PLCG2: variants seen among roughly 807,000 people sequenced by gnomAD.
The protein encoded by PLCG2 is 1-phosphatidylinositol 4,5-bisphosphate phosphodiesterase gamma-2.
A neutral mutation model predicts 175.6 loss-of-function variants in PLCG2; 69 were observed. The observed-to-expected ratio is 0.39, with a 90% CI of 0.32 to 0.48. PLCG2 has a LOEUF of 0.48. Ranked by LOEUF, PLCG2 falls within the 20% of genes least tolerant of loss-of-function variation. The pLI is 0.91. For synonymous variants in PLCG2, 827 were observed against 624.0 expected (o/e 1.33, Z -4.85); for missense variants, 1,798 against 1,650.9 (o/e 1.09, Z -1.54).
intron 1 of PLCG2, among the ~76,000 whole-genome samples, chr16:81,752,378 G>A (rs572029642): frequency 3.9e-5 from 6 of 152,348 alleles, no homozygotes; most frequent in Middle Eastern, 3.4e-3. Flanking sequence ...GGGACTGTGA[G>A]GGTTGGGACA....
At chr16:81,826,724 T>A (rs1905063300) in intron 2 of PLCG2, among the ~76,000 whole-genome samples, 1 of 152,158 alleles carries the variant, frequency 6.6e-6, no homozygotes, top group Non-Finnish European at 1.5e-5. Flanking sequence ...TTGACGAGTC[T>A]ACCCATTTTA....
intron 10 of PLCG2, among the ~76,000 whole-genome samples, chr16:81,890,344 T>C (rs570756682): frequency 6.6e-6 from 1 of 152,328 alleles, no homozygotes; most frequent in South Asian, 2.1e-4. Flanking sequence ...CTAAATGTTT[T>C]CCAAAGTTAG....
intron 1 of PLCG2, among the ~76,000 whole-genome samples, chr16:81,752,680 A>G (rs757478113): frequency 6.6e-6 from 1 of 152,214 alleles, no homozygotes; most frequent in Admixed American, 6.5e-5. Context: ...CCTGGGCTGC[A>G]TCTGCTTCCA....
intron 2 of PLCG2, among the ~76,000 whole-genome samples, chr16:81,822,554 C>CG (rs941848538): frequency 3.9e-5 from 6 of 151,960 alleles, no homozygotes; most frequent in African/African-American, 1.5e-4. Context: ...GTCAGCAGTT[C>CG]GAGACCAGCC....
At chr16:81,828,941 C>T (rs1158501980) in intron 2 of PLCG2, among the ~76,000 whole-genome samples, 1 of 152,094 alleles carries the variant, frequency 6.6e-6, no homozygotes, top group African/African-American at 2.4e-5. Context: ...TACAGGAGAT[C>T]ACAGAATGAA....
At chr16:81,857,315 C>T (rs146237377) in intron 3 of PLCG2, among the ~76,000 whole-genome samples, 4 of 152,218 alleles carry the variant, frequency 2.6e-5, no homozygotes, top group African/African-American at 4.8e-5. Flanking sequence ...AGTTGGACAC[C>T]TGGGTTTGAA....
rs117289857 is a variant in PLCG2, at chr16:81,754,158, C to A, written c.-144-1712C>A. Among the ~76,000 whole-genome samples the A allele has an allele frequency of 4.6e-3, 696 of 152,018 alleles. 32 individuals are homozygous for A. In the East Asian group the frequency reaches 0.095, roughly 21 times the overall value. On this transcript the variant is annotated intron_variant, in intron 1 of 5. Transcript: ENST00000565054. ...GGACCCACTTCTAGGTTTGCCGCCT[C>A]CATCTCCATCTCCGTCTCCACCTCC...
chr16:81,752,042 AT>A (rs1404491721), intron 1 of PLCG2, among the ~76,000 whole-genome samples: 3 of 151,136 alleles, frequency 2.0e-5, no homozygotes, highest in Admixed American at 6.6e-5. Context: ...TATAAAAAAA[AT>A]ATAATATATG....
chr16:81,859,964 G>T (rs542963876), intron 5 of PLCG2, among the ~76,000 whole-genome samples: 1 of 152,058 alleles, frequency 6.6e-6, no homozygotes, highest in East Asian at 1.9e-4. Flanking sequence ...AAAGCTCTAT[G>T]ACGGACTATT....
At chr16:81,906,873 A>G (rs1258398152) in intron 15 of PLCG2, among the ~76,000 whole-genome samples, 3 of 152,148 alleles carry the variant, frequency 2.0e-5, no homozygotes, top group Admixed American at 6.5e-5. Context: ...CCCCGTCTCT[A>G]TTAAAACTAC....
intron 31 of PLCG2, among the ~76,000 whole-genome samples, chr16:81,955,037 TAGGG>T (rs1267651429): frequency 3.3e-5 from 5 of 152,136 alleles, no homozygotes; most frequent in African/African-American, 9.7e-5. Context: ...TTATTCTTAA[TAGGG>T]AGGAAAGTCA....
rs138177174 is a variant in PLCG2, at chr16:81,746,486, G to C, written c.-145+7101G>C. Reference sequence around the variant, plus strand: ...TTCTGGGGAGGGTCGTTTTCACGTAGTCCAAGAGCCAGGGGTGGGAACCGC... The same window carrying C: ...TTCTGGGGAGGGTCGTTTTCACGTACTCCAAGAGCCAGGGGTGGGAACCGC... On this transcript the variant is annotated intron_variant, in intron 1 of 5. Coordinates refer to the PLCG2 transcript ENST00000565054. Among the ~76,000 whole-genome samples, 14 of 152,346 alleles carry C rather than the reference G, an allele frequency of 9.2e-5. No individual in the cohort carries two copies. The East Asian group carries it at 1.7e-3, about 19-fold the overall frequency.
chr16:81,916,256 AT>A (rs201247651), intron 19 of PLCG2, among the ~76,000 whole-genome samples: 21 of 150,044 alleles, frequency 1.4e-4, no homozygotes, highest in South Asian at 2.1e-4. Flanking sequence ...AAAGCAATAT[AT>A]TTTTTTTTTC....
intron 26 of PLCG2, chr16:81,935,732 C>T: frequency 1.0e-6 from 1 of 985,322 alleles, no homozygotes. Context: ...GCACAGGCAC[C>T]CACATTGCAA....
intron 31 of PLCG2, among the ~76,000 whole-genome samples, chr16:81,955,283 G>A (rs763870203): frequency 3.9e-5 from 6 of 152,172 alleles, no homozygotes; most frequent in African/African-American, 1.4e-4. Flanking sequence ...CTGAGTCCGT[G>A]TTTTTCTAAA....
At chr16:81,766,490 CCTCCTCCTCTTCCTCCT>C (rs1910153800) in intron 2 of PLCG2, among the ~76,000 whole-genome samples, 1 of 151,418 alleles carries the variant, frequency 6.6e-6, no homozygotes, top group African/African-American at 2.4e-5. Context: ...TCTTCCTCCT[CCTCCTCCTCTTCCTCCT>C]CCTCCTCAGG....
At chr16:81,898,230 GC>G (rs1468185190) in intron 13 of PLCG2, 1 of 158,918 alleles carries the variant, frequency 6.3e-6, no homozygotes, top group East Asian at 1.9e-4. Context: ...CACCTATAGG[GC>G]TAGAACTCTG....
chr16:81,962,098 CCGGTCTT>C lies in PLCG2; in HGVS notation c.*4106_*4112del, dbSNP rs1911799308. 1 of 185,566 alleles carries C rather than the reference CCGGTCTT, an allele frequency of 5.4e-6. No homozygotes were observed. The highest frequency in any genetic ancestry group is 2.3e-5 in the African/African-American group (1 of 42,610). The allele number at this position is 185,566 out of a possible 1,614,324, so 11.5% of individuals were successfully genotyped here. The stretch of plus-strand genomic sequence containing the variant: ...GACGACCAACCCCGATAGAGGAGGA[CCGGTCTT>C]CGGTCAAGGGTATACGAGTAGCTGC... On this transcript the variant is annotated 3_prime_UTR_variant, in exon 33 of 33. Transcript: ENST00000564138.
chr16:81,951,537 G>C (rs983732763), intron 31 of PLCG2, among the ~76,000 whole-genome samples: 2 of 152,154 alleles, frequency 1.3e-5, no homozygotes, highest in African/African-American at 4.8e-5. Context: ...CTCCACCAAA[G>C]TAAGAAGAAC....
Sources: gnomAD v4.1 joint callset for allele counts (sites outside exome capture counted in the v4.1 genomes callset) on GRCh38, gnomAD v4.1.1 for gene constraint, MANE v1.5 for transcripts, NCBI Gene and HGNC (gene_info 2026-07-23, HGNC 2026-07-21) for gene names.